DGKB: variants seen among roughly 807,000 people sequenced by gnomAD.
DGKB encodes 90 kDa diacylglycerol kinase.
In DGKB, 67 loss-of-function variants were observed where a neutral mutation model predicts 114.3. The ratio of observed to expected loss-of-function variants is 0.59; its 90% CI spans 0.48 to 0.72. The LOEUF is 0.72. Ranked by LOEUF, DGKB falls within the 30% of genes least tolerant of loss-of-function variation. DGKB has a pLI of 0.00. For missense variants in DGKB, 907 were observed against 975.2 expected (o/e 0.93, Z 0.93); for synonymous variants, 398 against 323.1 (o/e 1.23, Z -2.49).
intron 23 of DGKB, among the ~76,000 whole-genome samples, chr7:14,313,587 C>T (rs1046400486): frequency 2.6e-5 from 4 of 152,206 alleles, no homozygotes; most frequent in African/African-American, 4.8e-5. Flanking sequence ...GCTTAAAAAA[C>T]AGCGCACCAC....
intron 20 of DGKB, among the ~76,000 whole-genome samples, chr7:14,492,080 TAA>T (rs1035664073): frequency 9.9e-5 from 15 of 152,114 alleles, no homozygotes; most frequent in African/African-American, 3.4e-4. Context: ...TTTACAGAGA[TAA>T]AAGTGTTTTG....
At chr7:14,372,999 C>T (rs1429150448) in intron 21 of DGKB, among the ~76,000 whole-genome samples, 2 of 152,148 alleles carry the variant, frequency 1.3e-5, no homozygotes, top group East Asian at 1.9e-4. Flanking sequence ...CACAACTCTA[C>T]GTTTGATCCA....
chr7:14,269,809 T>G (rs888152281), intron 23 of DGKB, among the ~76,000 whole-genome samples: 1 of 152,158 alleles, frequency 6.6e-6, no homozygotes, highest in Non-Finnish European at 1.5e-5. Flanking sequence ...TATTGTAATA[T>G]GATTTTAGTC....
chr7:14,452,950 G>C (rs914659919), intron 21 of DGKB, among the ~76,000 whole-genome samples: 2 of 151,988 alleles, frequency 1.3e-5, no homozygotes, highest in Non-Finnish European at 2.9e-5. Context: ...TTCTATAAAG[G>C]CTCCATTAAA....
chr7:14,491,134 C>T (rs945927247), intron 20 of DGKB, among the ~76,000 whole-genome samples: 1 of 151,920 alleles, frequency 6.6e-6, no homozygotes, highest in African/African-American at 2.4e-5. Context: ...TTGGCTGTGT[C>T]CCCACCCAAA....
At chr7:14,965,781 T>C (rs1787111721) in intron 1 of DGKB, among the ~76,000 whole-genome samples, 1 of 152,086 alleles carries the variant, frequency 6.6e-6, no homozygotes, top group Non-Finnish European at 1.5e-5. Flanking sequence ...AGTTCAAAAA[T>C]GACATGTTTG....
intron 20 of DGKB, among the ~76,000 whole-genome samples, chr7:14,504,608 A>G (rs1448938443): frequency 6.6e-6 from 1 of 152,288 alleles, no homozygotes; most frequent in Middle Eastern, 3.4e-3. Flanking sequence ...TCTGCTTATA[A>G]TTTTCAAAGT....
chr7:14,644,703 C>T (rs1033229855), intron 13 of DGKB, among the ~76,000 whole-genome samples: 8 of 152,088 alleles, frequency 5.3e-5, no homozygotes, highest in African/African-American at 1.9e-4. Flanking sequence ...TATGTACATA[C>T]AGGAGAACTT....
In DGKB at chr7:14,873,011, C is replaced by T. The variant is rs371837693; in HGVS notation, c.-188+29581G>A. 1.9e-4 allele frequency among the ~76,000 whole-genome samples: 29 copies of T among 151,972 alleles called. No individual in the cohort carries two copies. The East Asian group carries it at 5.2e-3, about 27-fold the overall frequency. On this transcript the variant is annotated intron_variant, in intron 1 of 25. Coordinates refer to ENST00000402815, the MANE Select transcript of DGKB (RefSeq NM_001350709.2). ...AAAATGTAATCCCTTGCCTCCGATG[C>T]CAAAGTGTAAGTTCTAAAAAGTAAC...
intron 1 of DGKB, among the ~76,000 whole-genome samples, chr7:14,928,775 G>T (rs978541962): frequency 6.6e-6 from 1 of 151,892 alleles, no homozygotes; most frequent in Non-Finnish European, 1.5e-5. Flanking sequence ...TACATCATCA[G>T]AATAATGTAT....
chr7:14,175,107 C>T (rs1257608346), intron 25 of DGKB, among the ~76,000 whole-genome samples: 1 of 152,168 alleles, frequency 6.6e-6, no homozygotes, highest in African/African-American at 2.4e-5. Context: ...AGGTTGTTTA[C>T]AGTAGTGGTT....
At chr7:14,384,332 T>A (rs1819974233) in intron 21 of DGKB, among the ~76,000 whole-genome samples, 1 of 152,242 alleles carries the variant, frequency 6.6e-6, no homozygotes. Context: ...AGGCCAAGTT[T>A]GTCTTGACTT....
At chr7:14,327,322 A>T (rs554569607) in intron 23 of DGKB, among the ~76,000 whole-genome samples, 83 of 152,284 alleles carry the variant, frequency 5.5e-4, no homozygotes, top group African/African-American at 1.9e-3. Flanking sequence ...AAAAAAGCAA[A>T]CAGAAATTTA....
chr7:14,272,207 G>A (rs543491669), intron 23 of DGKB, among the ~76,000 whole-genome samples: 1 of 152,124 alleles, frequency 6.6e-6, no homozygotes, highest in East Asian at 1.9e-4. Flanking sequence ...TTTATTTGAA[G>A]AACTAGGTAA....
intron 1 of DGKB, among the ~76,000 whole-genome samples, chr7:14,867,411 TATGTCTAG>T (rs143709080): frequency 0.028 from 4,210 of 152,090 alleles, 186 homozygotes; most frequent in African/African-American, 0.096. Flanking sequence ...ATGTAAGGTC[TATGTCTAG>T]ATGTCTAGAT....
At chr7:14,731,360 C>G (rs182823783) in intron 5 of DGKB, among the ~76,000 whole-genome samples, 1 of 151,738 alleles carries the variant, frequency 6.6e-6, no homozygotes, top group Admixed American at 6.6e-5. Flanking sequence ...AATTGAGGTA[C>G]GTTATGTCTG....
At chr7:14,398,663 G>C (rs1383105128) in intron 21 of DGKB, among the ~76,000 whole-genome samples, 2 of 151,944 alleles carry the variant, frequency 1.3e-5, no homozygotes, top group Admixed American at 1.3e-4. Flanking sequence ...GCTAGAATGA[G>C]AGTAGAGCCA....
chr7:14,569,116 G>A (rs895741266), intron 20 of DGKB, among the ~76,000 whole-genome samples: 2 of 152,164 alleles, frequency 1.3e-5, no homozygotes, highest in African/African-American at 4.8e-5. Context: ...AAGCTGCTGA[G>A]TAGATGACTT....
intron 5 of DGKB, among the ~76,000 whole-genome samples, chr7:14,726,431 C>A (rs1260516893): frequency 6.6e-6 from 1 of 152,118 alleles, no homozygotes; most frequent in Non-Finnish European, 1.5e-5. Flanking sequence ...CCGTGCCCGG[C>A]CAGAATCGGA....
Sources: gnomAD v4.1 joint callset for allele counts (sites outside exome capture counted in the v4.1 genomes callset) on GRCh38, gnomAD v4.1.1 for gene constraint, MANE v1.5 for transcripts, NCBI Gene and HGNC (gene_info 2026-07-23, HGNC 2026-07-21) for gene names.